The following PRKACA variants were observed in gnomAD, a reference collection of about 807,000 sequenced individuals.
The protein encoded by PRKACA is protein kinase cAMP-activated catalytic subunit alpha, also known as cAMP-dependent protein kinase catalytic subunit alpha.
PRKACA carries 9 observed loss-of-function variants against 45.8 expected under a neutral mutation model. The observed-to-expected ratio is 0.20, with a 90% CI of 0.12 to 0.34. The LOEUF is 0.34. Ranked by LOEUF, PRKACA falls within the 10% of genes least tolerant of loss-of-function variation. The pLI, the probability that PRKACA is intolerant of heterozygous loss-of-function variation, is 1.00. For missense variants in PRKACA, 238 were observed against 458.6 expected, an observed-to-expected ratio of 0.52 and a Z score of 4.39; for synonymous variants, 160 against 178.6, an observed-to-expected ratio of 0.90 and a Z score of 0.83.
rs529499907 is a variant in PRKACA at position 14,106,987 on chromosome 19, C to T, written c.109-99G>A. ...CCTCTGCCACCGGCAGAGGGGGCCCCGGGGAGCACGTGGGGTCAGCGGGGT... is the reference window on the plus strand; with the variant it reads ...CCTCTGCCACCGGCAGAGGGGGCCCTGGGGAGCACGTGGGGTCAGCGGGGT... On this transcript the variant is annotated intron_variant, in intron 2 of 9. Transcript: ENST00000308677. 56 of 1,499,634 alleles carry T rather than the reference C, an allele frequency of 3.7e-5. No individual in the cohort carries two copies. In the East Asian group the frequency reaches 8.7e-4, roughly 23 times the overall value. 92.9% of individuals were successfully genotyped at this position (1,499,634 alleles called of 1,614,324 possible). A position where few individuals can be genotyped will look rare whatever the true frequency, so the allele number is the denominator to read the frequency against.
chr19:14,102,439 TG>T (rs1328245110), intron 4 of PRKACA, among the ~76,000 whole-genome samples: 1 of 152,140 alleles, frequency 6.6e-6, no homozygotes, highest in Non-Finnish European at 1.5e-5. Context: ...AGCTGAGGCT[TG>T]GGGAGATAAG....
intron 4 of PRKACA, chr19:14,101,230 A>G (rs1977432838): frequency 3.6e-6 from 1 of 275,512 alleles, no homozygotes; most frequent in South Asian, 5.0e-5. Context: ...AGGCTGCAGA[A>G]TTAGTGGGGC....
chr19:14,107,519 G>C lies in PRKACA; in HGVS notation c.47-110C>G, dbSNP rs960531079. 12 of 1,378,586 alleles carry C rather than the reference G, an allele frequency of 8.7e-6. No homozygotes were observed. In the African/African-American group the frequency reaches 1.3e-4, roughly 15 times the overall value. The allele number at this position is 1,378,586 out of a possible 1,614,324, so 85.4% of individuals were successfully genotyped here. A position where few individuals can be genotyped will look rare whatever the true frequency, so the allele number is the denominator to read the frequency against. ...GAAAGTGGGGTGCAGTTCCAACCCAGAGCCTGACCTTTTTCTGGTGCCTCT... is the reference window on the plus strand; with the variant it reads ...GAAAGTGGGGTGCAGTTCCAACCCACAGCCTGACCTTTTTCTGGTGCCTCT... On this transcript the variant is annotated intron_variant, in intron 1 of 9. Coordinates refer to ENST00000308677, the MANE Select transcript of PRKACA (RefSeq NM_002730.4).
chr19:14,116,252 G>A (rs1298556102), intron 1 of PRKACA, among the ~76,000 whole-genome samples: 1 of 152,182 alleles, frequency 6.6e-6, no homozygotes, highest in Non-Finnish European at 1.5e-5. Context: ...TGTAAAAATT[G>A]GGAATGGGGT....
Position 14,093,046 on chromosome 19 carries a change from T to TGGCG in PRKACA, c.*65_*66insCGCC. 14 of 85,302 alleles carry TGGCG rather than the reference T, an allele frequency of 1.6e-4. No individual in the cohort carries two copies. The highest frequency in any genetic ancestry group is 3.1e-4 in the Non-Finnish European group (14 of 45,342). The allele number at this position is 85,302 out of a possible 1,614,324, so 5.3% of individuals were successfully genotyped here. ...GCCCTCTGGCTGTTCAATCCAACCC[T>TGGCG]CCCACCCCCCCGACCAAAAAAAAGA... On this transcript the variant is annotated 3_prime_UTR_variant, in exon 10 of 10. Coordinates refer to ENST00000308677, the MANE Select transcript of PRKACA (RefSeq NM_002730.4).
chr19:14,104,742 C>T (rs1447278423), intron 3 of PRKACA, among the ~76,000 whole-genome samples: 1 of 149,978 alleles, frequency 6.7e-6, no homozygotes, highest in South Asian at 2.1e-4. Context: ...GCGTGGTAGC[C>T]GGCGCCTGTA....
At chr19:14,114,495 C>G (rs2144496871) in intron 1 of PRKACA, among the ~76,000 whole-genome samples, 1 of 152,146 alleles carries the variant, frequency 6.6e-6, no homozygotes, top group Middle Eastern at 3.4e-3. Flanking sequence ...CATCTAGGGT[C>G]TTCTTGGGGG....
At chr19:14,104,336 C>CAAAA (rs769115807) in intron 3 of PRKACA, among the ~76,000 whole-genome samples, 4 of 48,194 alleles carry the variant, frequency 8.3e-5, no homozygotes, top group African/African-American at 2.2e-4. Flanking sequence ...GACTCCGTCT[C>CAAAA]AAAAAAAAAA....
rs779520539 is a variant in PRKACA, at chr19:14,097,220, C to T, written c.765+141G>A. The T allele has an allele frequency of 5.6e-5, 75 of 1,329,706 alleles. No homozygotes were observed. Among genetic ancestry groups the T allele is most frequent in the Admixed American group, 3.8e-4 (20 of 52,324 alleles). 82.4% of individuals were successfully genotyped at this position (1,329,706 alleles called of 1,614,324 possible). A position where few individuals can be genotyped will look rare whatever the true frequency, so the allele number is the denominator to read the frequency against. On this transcript the variant is annotated intron_variant, in intron 8 of 9. Coordinates refer to ENST00000308677, the MANE Select transcript of PRKACA (RefSeq NM_002730.4). The surrounding 1 kb of genome is among the most constrained non-coding windows in gnomAD (Gnocchi z 5.4). ...GAGGTGTTGGCCTCAGTGTGGCCGG[C>T]GCGTCCAGCTTCACCACCTGGCCTG...
intron 1 of PRKACA, among the ~76,000 whole-genome samples, chr19:14,116,471 T>G (rs1967107947): frequency 6.6e-6 from 1 of 152,314 alleles, no homozygotes; most frequent in Non-Finnish European, 1.5e-5. Flanking sequence ...GTGCTCTTTC[T>G]GACCATCTCA....
At chr19:14,108,987 C>CA (rs1312558008) in intron 1 of PRKACA, among the ~76,000 whole-genome samples, 2 of 151,312 alleles carry the variant, frequency 1.3e-5, no homozygotes, top group African/African-American at 4.9e-5. Context: ...CTTGGCCTCC[C>CA]AAAGTGCTGG....
chr19:14,093,877 C>A, intron 8 of PRKACA, 85 bp from the exon 9 acceptor site: 3 of 1,403,472 alleles, frequency 2.1e-6, no homozygotes, highest in Non-Finnish European at 2.9e-6. Context: ...TCCAACGGTC[C>A]TACTGGGTGT....
At chr19:14,099,838 T>C (rs1822373270) in intron 5 of PRKACA, among the ~76,000 whole-genome samples, 1 of 151,830 alleles carries the variant, frequency 6.6e-6, no homozygotes, top group Non-Finnish European at 1.5e-5. Context: ...AAAATAATAG[T>C]ATAATTTTTA....
In PRKACA at chr19:14,097,506, A is replaced by G. The variant is rs769885917; in HGVS notation, c.643-23T>C. 6 of 1,613,582 alleles carry G rather than the reference A, an allele frequency of 3.7e-6. No homozygotes were observed. In the South Asian group the frequency reaches 6.6e-5, roughly 18 times the overall value. On this transcript the variant is annotated intron_variant, in intron 7 of 9. Transcript: ENST00000308677. The surrounding 1 kb of genome is among the most constrained non-coding windows in gnomAD (Gnocchi z 5.4). The stretch of plus-strand genomic sequence containing the variant: ...GCCCTGGAGCAAGATGGGGGGGCAC[A>G]GGGTGAGGAGGAGGCGAGAGCAGGA...
At position 14,093,207 on chromosome 19, in the gene PRKACA, C is replaced by T; in HGVS notation, c.961G>A (p.Gly321Ser). The T allele has an allele frequency of 1.2e-6, 2 of 1,614,040 alleles. No homozygotes were observed. The highest frequency in any genetic ancestry group is 2.2e-5 in the East Asian group (1 of 44,884). The change falls in exon 10 of 10, where the codon GGC becomes AGC. Residue 321 changes from glycine (G) to serine (S), a missense_variant. Around this residue, in one of 3 missense-constraint regions of PRKACA, gnomAD observed 51 missense variants for 68.6 expected, o/e 0.74. Coordinates refer to ENST00000308677, the MANE Select transcript of PRKACA (RefSeq NM_002730.4). ...VEAPFIPKFK[G>S]PGDTSNFDDY... ...TCAAAGTTACTCGTATCCCCAGGGC[C>T]TTTAAACTTTGGTATGAAGGGAGCT...
chr19:14,105,511 CA>C (rs199884443), intron 3 of PRKACA, among the ~76,000 whole-genome samples: 4,282 of 109,920 alleles, frequency 0.039, 176 homozygotes, highest in African/African-American at 0.12. Flanking sequence ...GACTCTGTCT[CA>C]AAAAAAAAAA....
At position 14,100,928 on chromosome 19, in the gene PRKACA, G is replaced by C; in HGVS notation, c.337-20C>G. 6.2e-7 allele frequency: 1 copy of C among 1,610,020 alleles called. No homozygotes were observed. Among genetic ancestry groups the C allele is most frequent in the East Asian group, 2.2e-5 (1 of 44,846 alleles). ...GTTGTCCTGTGGGAAGCAGTGGCTG[G>C]TCAAGGGCCCACCCCTGAGACTTGG... On this transcript the variant is annotated intron_variant, in intron 4 of 9. Transcript: ENST00000308677.
Position 14,102,799 on chromosome 19 carries a change from G to C in PRKACA, c.336+17C>G. 6.2e-7 allele frequency: 1 copy of C among 1,606,698 alleles called. No individual in the cohort carries two copies. The highest frequency in any genetic ancestry group is 8.5e-7 in the Non-Finnish European group (1 of 1,173,176). ...CCCAATGCAGTGACCCCCCGCCCTTGGCCACTGGGACCCCACCTTGAAGGA... is the reference window on the plus strand; with the variant it reads ...CCCAATGCAGTGACCCCCCGCCCTTCGCCACTGGGACCCCACCTTGAAGGA... On this transcript the variant is annotated intron_variant, in intron 4 of 9. Coordinates refer to ENST00000308677, the MANE Select transcript of PRKACA (RefSeq NM_002730.4).
chr19:14,102,104 T>C (rs1350956859), intron 4 of PRKACA, among the ~76,000 whole-genome samples: 1 of 151,972 alleles, frequency 6.6e-6, no homozygotes, highest in Admixed American at 6.6e-5. Context: ...GCAGAGGTTG[T>C]AGTGAGCCAA....
Sources: allele counts gnomAD v4.1 joint callset (sites outside exome capture counted in the v4.1 genomes callset), GRCh38; gene constraint gnomAD v4.1.1; regional missense constraint gnomAD v4.1.1; non-coding constraint Gnocchi (gnomAD v3.1); transcripts MANE v1.5; gene names NCBI Gene and HGNC (gene_info 2026-07-23, HGNC 2026-07-21).